Variants in PI4K2A observed in about 807,000 individuals in gnomAD.
The protein encoded by PI4K2A is phosphatidylinositol 4-kinase type 2-alpha.
In PI4K2A, 20 loss-of-function variants were observed where a neutral mutation model predicts 55.0. The observed-to-expected ratio is 0.36, with a 90% confidence interval of 0.26 to 0.53. The LOEUF is 0.53. Ranked by LOEUF, PI4K2A falls within the 20% of genes least tolerant of loss-of-function variation. The probability of loss-of-function intolerance (pLI) is 0.91; values close to 1 mark genes in which losing one functional copy is unlikely to be tolerated. For missense variants in PI4K2A, 463 were observed against 637.1 expected (o/e 0.73, Z 2.94); for synonymous variants, 235 against 258.5 (o/e 0.91, Z 0.87).
At chr10:97,644,361 C>G (rs954920226) in intron 1 of PI4K2A, among the ~76,000 whole-genome samples, 13 of 151,948 alleles carry the variant, frequency 8.6e-5, no homozygotes, top group African/African-American at 3.1e-4. Flanking sequence ...AAAAACAAAA[C>G]AAAAGAAAAG....
intron 2 of PI4K2A, among the ~76,000 whole-genome samples, chr10:97,653,449 A>C (rs572378915): frequency 1.3e-5 from 2 of 152,258 alleles, no homozygotes; most frequent in South Asian, 4.1e-4. Context: ...AGTGAGTGCC[A>C]GGCACAACGT....
chr10:97,674,571 A>C (rs1324411754), exon 9 of PI4K2A: 3 of 152,210 alleles, frequency 2.0e-5, no homozygotes, highest in Non-Finnish European at 4.4e-5. Context: ...GTATGCCGGG[A>C]GCTAAGTGGT....
chr10:97,672,460 A>G (rs1176536810), intron 8 of PI4K2A, among the ~76,000 whole-genome samples: 1 of 152,172 alleles, frequency 6.6e-6, no homozygotes, highest in Non-Finnish European at 1.5e-5. Context: ...GTCACAATCT[A>G]ACACTGGTTC....
chr10:97,642,884 T>TCTTTCTTTCTTCCTTC lies in PI4K2A; in HGVS notation c.435+1710_435+1711insTCTTTCTTCCTTCCTT, dbSNP rs1564772365. Among the ~76,000 whole-genome samples, 28 of 96,870 alleles carry TCTTTCTTTCTTCCTTC rather than the reference T, an allele frequency of 2.9e-4. 2 individuals carry two copies. Among genetic ancestry groups the TCTTTCTTTCTTCCTTC allele is most frequent in the Non-Finnish European group, 4.1e-4 (19 of 46,686 alleles). The allele number at this position is 96,870 out of a possible 152,430, so 63.6% of individuals were successfully genotyped here. ...CTTTCTTTTTCTTTCTTTCTTTCTT[T>TCTTTCTTTCTTCCTTC]CTTCCTTCCTTCCTTCCTTCCTTCC... On this transcript the variant is annotated intron_variant, in intron 1 of 8. Transcript: ENST00000370631.
chr10:97,665,065 C>G (rs2041603558), intron 6 of PI4K2A, 81 bp downstream of exon 6: 1 of 820,840 alleles, frequency 1.2e-6, no homozygotes, highest in Non-Finnish European at 2.0e-6. Context: ...GATAATGTCT[C>G]TATCATAGGA....
At chr10:97,641,259 G>A in intron 1 of PI4K2A, 82 bp downstream of exon 1, 1 of 1,029,768 alleles carries the variant, frequency 9.7e-7, no homozygotes, top group Non-Finnish European at 1.4e-6. Context: ...CACAGCCAGA[G>A]GGAAAAGGGA....
At chr10:97,655,564 G>A (rs2041550098) in intron 2 of PI4K2A, among the ~76,000 whole-genome samples, 2 of 151,562 alleles carry the variant, frequency 1.3e-5, no homozygotes, top group South Asian at 4.2e-4. Context: ...CAATTGGATT[G>A]TATTTCTTTT....
intron 1 of PI4K2A, among the ~76,000 whole-genome samples, chr10:97,645,224 C>T (rs980115602): frequency 6.6e-6 from 1 of 152,070 alleles, no homozygotes; most frequent in African/African-American, 2.4e-5. Context: ...GTTCCTGGCA[C>T]TTAGTTGGGG....
intron 4 of PI4K2A, among the ~76,000 whole-genome samples, chr10:97,661,141 G>A (rs951289572): frequency 6.6e-6 from 1 of 151,892 alleles, no homozygotes; most frequent in Non-Finnish European, 1.5e-5. Context: ...ACAGGCGCCC[G>A]CCACCACACC....
chr10:97,665,430 A>G (rs557177593), intron 6 of PI4K2A, among the ~76,000 whole-genome samples: 76 of 151,412 alleles, frequency 5.0e-4, no homozygotes, highest in Admixed American at 9.9e-4. Flanking sequence ...ATGCGCCACC[A>G]CGCCCGGCTA....
intron 6 of PI4K2A, among the ~76,000 whole-genome samples, chr10:97,665,558 G>C (rs2041605654): frequency 6.6e-6 from 1 of 152,106 alleles, no homozygotes; most frequent in Non-Finnish European, 1.5e-5. Context: ...ACAGGTGTGA[G>C]CCACTGCGCC....
Position 97,642,865 on chromosome 10 carries a change from T to TCCTTCCTTCC in PI4K2A, c.435+1688_435+1689insCCTTCCTTCC, listed in dbSNP as rs1554878118. Among the ~76,000 whole-genome samples the TCCTTCCTTCC allele has an allele frequency of 3.7e-5, 2 of 53,744 alleles. 1 individual carries two copies. The highest frequency in any genetic ancestry group is 1.3e-4 in the African/African-American group (2 of 15,762). The allele number at this position is 53,744 out of a possible 152,430, so 35.3% of individuals were successfully genotyped here. Reference sequence around the variant, plus strand: ...TTCCTTCCTTCCTTTCTTTCTTTCTTTTTCTTTCTTTCTTTCTTTCTTCCT... The same window carrying TCCTTCCTTCC: ...TTCCTTCCTTCCTTTCTTTCTTTCTTCCTTCCTTCCTTTCTTTCTTTCTTTCTTTCTTCCT... On this transcript the variant is annotated intron_variant, in intron 1 of 8. Transcript: ENST00000370631.
chr10:97,673,598 G>A, exon 9 of PI4K2A: 1 of 1,614,066 alleles, frequency 6.2e-7, no homozygotes, highest in Non-Finnish European at 8.5e-7. Flanking sequence ...ATCTGACCCA[G>A]GCCTTGAAAG....
chr10:97,663,508 TTTTC>T (rs2041596243), intron 5 of PI4K2A, among the ~76,000 whole-genome samples: 3 of 151,386 alleles, frequency 2.0e-5, no homozygotes, highest in East Asian at 3.9e-4. Flanking sequence ...TTCTTTTTTC[TTTTC>T]TTTCTTTTTT....
At chr10:97,649,835 G>A (rs2041522421) in intron 1 of PI4K2A, among the ~76,000 whole-genome samples, 1 of 151,774 alleles carries the variant, frequency 6.6e-6, no homozygotes, top group Admixed American at 6.6e-5. Flanking sequence ...TGTTGGCCAG[G>A]CTGGTCTCGA....
chr10:97,646,389 G>A (rs1265659204), intron 1 of PI4K2A, among the ~76,000 whole-genome samples: 2 of 150,924 alleles, frequency 1.3e-5, no homozygotes, highest in African/African-American at 4.9e-5. Flanking sequence ...GCTAATTTTC[G>A]TATTTTTAGT....
At chr10:97,665,038 C>G in intron 6 of PI4K2A, 54 bp downstream of exon 6, 1 of 1,083,904 alleles carries the variant, frequency 9.2e-7, no homozygotes, top group Non-Finnish European at 1.4e-6. Context: ...TATATTTTCT[C>G]ACTGTGCAGT....
At chr10:97,645,223 A>G (rs1451867216) in intron 1 of PI4K2A, among the ~76,000 whole-genome samples, 5 of 152,172 alleles carry the variant, frequency 3.3e-5, no homozygotes. Context: ...AGTTCCTGGC[A>G]CTTAGTTGGG....
intron 4 of PI4K2A, among the ~76,000 whole-genome samples, chr10:97,657,869 T>C (rs1414638854): frequency 9.4e-6 from 1 of 106,332 alleles, no homozygotes; most frequent in Admixed American, 8.5e-5. Context: ...CGAGTCTTGC[T>C]CTGTCACCTA....
Sources: gnomAD v4.1 joint callset for allele counts (sites outside exome capture counted in the v4.1 genomes callset) on GRCh38, gnomAD v4.1.1 for gene constraint, MANE v1.5 for transcripts, NCBI Gene and HGNC (gene_info 2026-07-23, HGNC 2026-07-21) for gene names.